Variants in CNBP observed in about 807,000 individuals in gnomAD.
CNBP encodes the protein CCHC-type zinc finger nucleic acid binding protein, also known as cellular nucleic acid-binding protein.
Under a neutral mutation model 21.2 loss-of-function variants are expected in CNBP, and 6 were observed. The ratio of observed to expected loss-of-function variants is 0.28; its 90% CI spans 0.16 to 0.56. The LOEUF (loss-of-function observed/expected upper bound fraction) is 0.56. Among genes scored for constraint, CNBP ranks in the 20% least tolerant of loss-of-function variants. The probability of loss-of-function intolerance (pLI) is 0.93; values close to 1 mark genes in which losing one functional copy is unlikely to be tolerated. For synonymous variants in CNBP, 61 were observed against 74.9 expected (o/e 0.81, Z 0.96); for missense variants, 112 against 233.1 (o/e 0.48, Z 3.38).
rs961335642 is a variant in CNBP at position 129,169,223 on chromosome 3, G to A, written c.*1230C>T. Among the ~76,000 whole-genome samples the A allele has an allele frequency of 3.3e-5, 5 of 152,280 alleles. No homozygotes were observed. Among genetic ancestry groups the A allele is most frequent in the African/African-American group, 9.6e-5 (4 of 41,558 alleles). ...GCAGGAGAATTGCTTGAACCCGGGA[G>A]GTGGAGGTTGCAGTGAGCCAAGCCT... On this transcript the variant is annotated 3_prime_UTR_variant, in exon 5 of 5. Coordinates refer to ENST00000422453, the MANE Select transcript of CNBP (RefSeq NM_003418.5).
At chr3:129,172,616 A>AGGCAGG (rs1560034664) in intron 1 of CNBP, among the ~76,000 whole-genome samples, 2 of 49,470 alleles carry the variant, frequency 4.0e-5, no homozygotes, top group African/African-American at 1.1e-4. Context: ...AGACAGGCAG[A>AGGCAGG]CAGGCAGCCA....
In CNBP at chr3:129,175,056, G is replaced by A. The variant is rs560441500; in HGVS notation, c.-14-3285C>T. ...TACTAAAAACACAAAATTAGGGCAG[G>A]CGTGGTGGCTCACGCCTGTAATCTC... On this transcript the variant is annotated intron_variant, in intron 1 of 4. Coordinates refer to ENST00000422453, the MANE Select transcript of CNBP (RefSeq NM_003418.5). 1.4e-4 allele frequency among the ~76,000 whole-genome samples: 22 copies of A among 152,228 alleles called. No individual in the cohort carries two copies. In the South Asian group the frequency reaches 3.1e-3, roughly 22 times the overall value.
chr3:129,170,653 C>T lies in CNBP; in HGVS notation c.417-83G>A, dbSNP rs115989302. 7.6e-4 allele frequency: 784 copies of T among 1,035,282 alleles called. 5 individuals are homozygous for T. The Middle Eastern group carries it at 8.6e-3, about 11-fold the overall frequency. The allele number at this position is 1,035,282 out of a possible 1,614,324, so 64.1% of individuals were successfully genotyped here. ...GCAACAGTCACCATGCAGAACAAAACGCCTGATCTTTGTTTTCATGCAATT... is the reference window on the plus strand; with the variant it reads ...GCAACAGTCACCATGCAGAACAAAATGCCTGATCTTTGTTTTCATGCAATT... On this transcript the variant is annotated intron_variant, in intron 4 of 4. Coordinates refer to ENST00000422453, the MANE Select transcript of CNBP (RefSeq NM_003418.5).
At chr3:129,180,400 G>T (rs1398950293) in intron 1 of CNBP, among the ~76,000 whole-genome samples, 2 of 152,074 alleles carry the variant, frequency 1.3e-5, no homozygotes, top group Non-Finnish European at 2.9e-5. Flanking sequence ...CACAAACACT[G>T]GCAACTTGCT....
chr3:129,181,187 C>G (rs1938260745), intron 1 of CNBP, among the ~76,000 whole-genome samples: 1 of 130,476 alleles, frequency 7.7e-6, no homozygotes, highest in Admixed American at 9.3e-5. Context: ...CTGCTGTGAG[C>G]CGAGACTGTG....
intron 1 of CNBP, among the ~76,000 whole-genome samples, chr3:129,174,349 TAAAAAAAAAAA>T (rs56752888): frequency 4.8e-5 from 3 of 63,150 alleles, no homozygotes; most frequent in South Asian, 7.3e-4. Context: ...GAGTCAGAAT[TAAAAAAAAAAA>T]AAAAAAAAAA....
Position 129,169,654 on chromosome 3 carries a change from T to C in CNBP, c.*799A>G, listed in dbSNP as rs1272414958. ...TCTAGGACTTCAGTTGCTCTTTCCATCTGACTTTTAAAAACTGATTACAGC... is the reference window on the plus strand; with the variant it reads ...TCTAGGACTTCAGTTGCTCTTTCCACCTGACTTTTAAAAACTGATTACAGC... On this transcript the variant is annotated 3_prime_UTR_variant, in exon 5 of 5. Transcript: ENST00000422453. The C allele has an allele frequency of 4.8e-6, 1 of 208,172 alleles. No individual in the cohort carries two copies. Among genetic ancestry groups the C allele is most frequent in the Non-Finnish European group, 9.8e-6 (1 of 102,096 alleles). The allele number at this position is 208,172 out of a possible 1,614,324, so 12.9% of individuals were successfully genotyped here.
chr3:129,179,130 G>A (rs1296507900), intron 1 of CNBP, among the ~76,000 whole-genome samples: 1 of 151,966 alleles, frequency 6.6e-6, no homozygotes, highest in African/African-American at 2.4e-5. Flanking sequence ...ACACAAAATT[G>A]GCCGGGTGTG....
chr3:129,180,178 AAG>A (rs1938203127), intron 1 of CNBP, among the ~76,000 whole-genome samples: 1 of 152,072 alleles, frequency 6.6e-6, no homozygotes, highest in African/African-American at 2.4e-5. Flanking sequence ...TCTAGTAACT[AAG>A]AAAAAAAAAA....
intron 1 of CNBP, among the ~76,000 whole-genome samples, chr3:129,177,697 A>C (rs770751176): frequency 2.0e-5 from 3 of 152,200 alleles, no homozygotes; most frequent in Non-Finnish European, 4.4e-5. Context: ...GATTAAGAGG[A>C]GAAACACCGG....
At chr3:129,180,347 TTTTC>T (rs1279404761) in intron 1 of CNBP, among the ~76,000 whole-genome samples, 10 of 152,208 alleles carry the variant, frequency 6.6e-5, no homozygotes, top group Admixed American at 5.9e-4. Flanking sequence ...TTAAAAAATA[TTTTC>T]TTTAACTTCA....
intron 1 of CNBP, among the ~76,000 whole-genome samples, chr3:129,172,114 T>C (rs999981579): frequency 4.6e-5 from 7 of 151,766 alleles, no homozygotes; most frequent in African/African-American, 1.7e-4. Flanking sequence ...GAGCTTACAG[T>C]GAGCTGAGAT....
rs764876598 is a variant in CNBP at position 129,168,497 on chromosome 3, T to G, written c.*1956A>C. ...CTGTAATCCCAGCTATTTGGGAGGC[T>G]GAGGCAGGAGAATTACTTGAACGGG... On this transcript the variant is annotated 3_prime_UTR_variant, in exon 5 of 5. Transcript: ENST00000422453. Among the ~76,000 whole-genome samples, 22 of 92,798 alleles carry G rather than the reference T, an allele frequency of 2.4e-4. No homozygotes were observed. The South Asian group carries it at 3.1e-3, about 13-fold the overall frequency. 60.9% of individuals were successfully genotyped at this position (92,798 alleles called of 152,430 possible).
intron 1 of CNBP, among the ~76,000 whole-genome samples, chr3:129,177,989 T>C (rs1188394381): frequency 6.6e-6 from 1 of 151,836 alleles, no homozygotes; most frequent in Non-Finnish European, 1.5e-5. Context: ...TGAAACCCTG[T>C]CTCTACTAAA....
At chr3:129,178,081 C>G (rs974615929) in intron 1 of CNBP, among the ~76,000 whole-genome samples, 3 of 151,410 alleles carry the variant, frequency 2.0e-5, no homozygotes, top group Admixed American at 2.0e-4. Context: ...ATTGCTTGAA[C>G]CCAGGAGGCA....
intron 1 of CNBP, among the ~76,000 whole-genome samples, chr3:129,181,470 G>A (rs1214064615): frequency 6.6e-6 from 1 of 150,758 alleles, no homozygotes; most frequent in African/African-American, 2.4e-5. Context: ...TGGCCAACAT[G>A]GTGAAACCCC....
chr3:129,177,934 T>C (rs1354710577), intron 1 of CNBP, among the ~76,000 whole-genome samples: 1 of 152,100 alleles, frequency 6.6e-6, no homozygotes, highest in South Asian at 2.1e-4. Flanking sequence ...CCGAGGCAGA[T>C]GCATCACCTG....
intron 1 of CNBP, among the ~76,000 whole-genome samples, chr3:129,183,463 C>G (rs1938457218): frequency 6.6e-6 from 1 of 152,262 alleles, no homozygotes; most frequent in African/African-American, 2.4e-5. Flanking sequence ...GCCTCGGCCC[C>G]AAGGGCGCAC....
intron 1 of CNBP, among the ~76,000 whole-genome samples, chr3:129,179,678 A>C (rs1244409363): frequency 6.6e-6 from 1 of 152,098 alleles, no homozygotes; most frequent in Non-Finnish European, 1.5e-5. Context: ...TGGCCAACAT[A>C]GTGACACCCC....
Sources: allele counts gnomAD v4.1 joint callset (sites outside exome capture counted in the v4.1 genomes callset), GRCh38; gene constraint gnomAD v4.1.1; transcripts MANE v1.5; gene names NCBI Gene and HGNC (gene_info 2026-07-23, HGNC 2026-07-21).